Variants in FOXN4 observed in about 807,000 individuals in gnomAD.
FOXN4 encodes the protein forkhead box protein N4.
Under a neutral mutation model 45.0 loss-of-function variants are expected in FOXN4, and 12 were observed. That is an observed-to-expected ratio of 0.27 (90% CI 0.17 to 0.43). The LOEUF is 0.43. FOXN4 is among the 20% of genes least tolerant of loss of function. The pLI, the probability that FOXN4 is intolerant of heterozygous loss-of-function variation, is 1.00. For missense variants in FOXN4, 560 were observed against 694.9 expected, an observed-to-expected ratio of 0.81 and a Z score of 2.18; for synonymous variants, 297 against 295.0, an observed-to-expected ratio of 1.01 and a Z score of -0.07.
At position 109,287,261 on chromosome 12, in the gene FOXN4, G is replaced by A. The variant is rs2047721556; in HGVS notation, c.596+136C>T. 2.5e-6 allele frequency: 3 copies of A among 1,217,718 alleles called. No homozygotes were observed. The East Asian group carries it at 7.8e-5, about 32-fold the overall frequency. 75.4% of individuals were successfully genotyped at this position (1,217,718 alleles called of 1,614,324 possible). A position where few individuals can be genotyped will look rare whatever the true frequency, so the allele number is the denominator to read the frequency against. Reference sequence around the variant, plus strand: ...CTTCCTGAGAACAAGTCCCACCTGGGGGTTCCCCACTCCCCAAAACCTCCC... The same window carrying A: ...CTTCCTGAGAACAAGTCCCACCTGGAGGTTCCCCACTCCCCAAAACCTCCC... On this transcript the variant is annotated intron_variant, in intron 6 of 9. Coordinates refer to ENST00000299162, the MANE Select transcript of FOXN4 (RefSeq NM_213596.3). The surrounding 1 kb of genome is among the most constrained non-coding windows in gnomAD (Gnocchi z 4.1).
At position 109,279,421 on chromosome 12, in the gene FOXN4, C is replaced by G. The variant is rs1237921794; in HGVS notation, c.*250G>C. On this transcript the variant is annotated 3_prime_UTR_variant, in exon 10 of 10. Coordinates refer to ENST00000299162, the MANE Select transcript of FOXN4 (RefSeq NM_213596.3). ...CAAGGGGTCGGGGGATGCTGGGTTG[C>G]TTGTCCACCTTCCTCCATTCTTCTG... 2.1e-5 allele frequency: 12 copies of G among 578,052 alleles called. No homozygotes were observed. The highest frequency in any genetic ancestry group is 1.8e-4 in the Admixed American group (6 of 32,626). 35.8% of individuals were successfully genotyped at this position (578,052 alleles called of 1,614,324 possible).
At chr12:109,298,179 C>T (rs1249073731) in intron 2 of FOXN4, among the ~76,000 whole-genome samples, 1 of 152,074 alleles carries the variant, frequency 6.6e-6, no homozygotes, top group African/African-American at 2.4e-5. Context: ...GGGAAGAGCT[C>T]TGTAAAACAG....
intron 2 of FOXN4, among the ~76,000 whole-genome samples, chr12:109,293,302 C>G (rs2047786432): frequency 6.6e-6 from 1 of 152,194 alleles, no homozygotes; most frequent in Non-Finnish European, 1.5e-5. Flanking sequence ...ACCCCGAGAG[C>G]AGCACCTCCG....
In FOXN4 at chr12:109,290,563, ACTTGAC is replaced by A. The variant is rs1454226939; in HGVS notation, c.87-283_87-278del. ...CAATGCACGCGAATATTTGTTGAGG[ACTTGAC>A]CAGTGCCAGACACCGATCAAGCCTT... On this transcript the variant is annotated intron_variant, in intron 2 of 9. Coordinates refer to ENST00000299162, the MANE Select transcript of FOXN4 (RefSeq NM_213596.3). The surrounding 1 kb of genome is among the most constrained non-coding windows in gnomAD (Gnocchi z 5.1). Among the ~76,000 whole-genome samples the A allele has an allele frequency of 6.6e-6, 1 of 152,162 alleles. No homozygotes were observed. The highest frequency in any genetic ancestry group is 1.5e-5 in the Non-Finnish European group (1 of 68,028).
In FOXN4 at chr12:109,308,261, G is replaced by C. The variant is rs367951583; in HGVS notation, c.61C>G (p.His21Asp). ...CTGTATTCCTGTGGAGAGGGGTGGT[G>C]ATTTTGCCCTGAGTTTCGAATAATT... ...SGIIRNSGQN[H>D]HPSPQEYRLL... The change falls in exon 2 of 10, where the codon CAC becomes GAC. Residue 21 changes from histidine to aspartate, a missense_variant. His to Asp is a moderately conservative substitution (Grantham distance 81). Transcript: ENST00000299162. The C allele has an allele frequency of 5.2e-6, 8 of 1,551,894 alleles. No homozygotes were observed. Among genetic ancestry groups the C allele is most frequent in the Non-Finnish European group, 7.0e-6 (8 of 1,146,964 alleles).
At chr12:109,286,542 A>G in intron 7 of FOXN4, 106 bp downstream of exon 7, 1 of 1,073,664 alleles carries the variant, frequency 9.3e-7, no homozygotes. Context: ...ATGTACAGAC[A>G]TAACTGGGAA....
intron 2 of FOXN4, among the ~76,000 whole-genome samples, chr12:109,306,168 C>T (rs1003134010): frequency 6.6e-5 from 10 of 152,094 alleles, no homozygotes; most frequent in African/African-American, 1.7e-4. Flanking sequence ...GCGTCTCTTG[C>T]GGGAAGCTGG....
chr12:109,279,746 A>G lies in FOXN4; in HGVS notation c.1479T>C (p.Ser493=). 6.3e-7 allele frequency: 1 copy of G among 1,587,654 alleles called. No homozygotes were observed. Among genetic ancestry groups the G allele is most frequent in the Non-Finnish European group, 8.6e-7 (1 of 1,167,330 alleles). ...AGGAGCTGGTGCCCGATGCAGCCAC[A>G]CTGTCCGGAGTGGAGTACGCTGTGT... ...GLYTAYSTPD[S]VAASGTSSSS... The change falls in exon 10 of 10, where the codon AGT becomes AGC. Residue 493 remains serine, a synonymous_variant. Coordinates refer to ENST00000299162, the MANE Select transcript of FOXN4 (RefSeq NM_213596.3).
At chr12:109,281,224 A>G (rs747295274) in intron 9 of FOXN4, among the ~76,000 whole-genome samples, 183 bp downstream of exon 9, 1 of 152,144 alleles carries the variant, frequency 6.6e-6, no homozygotes, top group East Asian at 1.9e-4. Flanking sequence ...GAGCTCAAAA[A>G]TTTTTGGATT....
At chr12:109,285,260 TG>T in intron 8 of FOXN4, 43 bp downstream of exon 8, 1 of 1,540,080 alleles carries the variant, frequency 6.5e-7, no homozygotes. Context: ...TGTGTGTGTG[TG>T]TGTGTGTGTG....
At position 109,281,526 on chromosome 12, in the gene FOXN4, G is replaced by A. The variant is rs753213296; in HGVS notation, c.1175C>T (p.Pro392Leu). 22 of 1,613,670 alleles carry A rather than the reference G, an allele frequency of 1.4e-5. No individual in the cohort carries two copies. The highest frequency in any genetic ancestry group is 2.5e-6 in the Non-Finnish European group (3 of 1,179,836). The change falls in exon 9 of 10, where the codon CCC becomes CTC. Residue 392 changes from proline (P) to leucine (L), a missense_variant. By Grantham distance (98) the Pro-to-Leu change is moderately conservative (BLOSUM62 -3). This residue lies in a region of FOXN4 where 315 missense variants were observed against 350.5 expected (regional missense o/e 0.90). Transcript: ENST00000299162. ...PPLHALPDLS[P>L]SPLPHPAMGR... Reference sequence around the variant, plus strand: ...CATGGCGGGGTGGGGGAGCGGGCTGGGGCTGAGGTCCGGCAGGGCGTGCAG... The same window carrying A: ...CATGGCGGGGTGGGGGAGCGGGCTGAGGCTGAGGTCCGGCAGGGCGTGCAG...
rs1455926867 is a variant in FOXN4 at position 109,288,723 on chromosome 12, G to GTGAC, written c.233-547_233-544dup. Among the ~76,000 whole-genome samples, 2 of 152,210 alleles carry GTGAC rather than the reference G, an allele frequency of 1.3e-5. No individual in the cohort carries two copies. Among genetic ancestry groups the GTGAC allele is most frequent in the Admixed American group, 1.3e-4 (2 of 15,288 alleles). ...ACTTCCCCCATCTTGTGCTGGGCTT[G>GTGAC]TGACAGACATTGCTAATCTATCACA... On this transcript the variant is annotated intron_variant, in intron 3 of 9. Transcript: ENST00000299162. This position sits in a 1 kb window ranked among gnomAD's most constrained non-coding sequence, Gnocchi z 4.3.
Position 109,279,771 on chromosome 12 carries a change from T to TAG in FOXN4, c.1452_1453dup (p.Tyr485SerfsTer31). The TAG allele has an allele frequency of 1.2e-6, 2 of 1,600,292 alleles. No homozygotes were observed. The highest frequency in any genetic ancestry group is 1.7e-6 in the Non-Finnish European group (2 of 1,173,398). ...ACTGTCCGGAGTGGAGTACGCTGTGTAGAGACCCGTCACCTGCAAGTCTGG... is the reference window on the plus strand; with the variant it reads ...ACTGTCCGGAGTGGAGTACGCTGTGTAGAGAGACCCGTCACCTGCAAGTCTGG... On this transcript the variant is annotated frameshift_variant, in exon 10 of 10. Transcript: ENST00000299162. LOFTEE classifies it low-confidence loss of function (END_TRUNC).
At chr12:109,307,238 G>T (rs1310327659) in intron 2 of FOXN4, among the ~76,000 whole-genome samples, 2 of 152,196 alleles carry the variant, frequency 1.3e-5, no homozygotes, top group Non-Finnish European at 2.9e-5. Context: ...ACCCCGGGGG[G>T]GCCAGACAAA....
At chr12:109,308,570 A>G (rs1283877379) in intron 1 of FOXN4, among the ~76,000 whole-genome samples, 1 of 152,206 alleles carries the variant, frequency 6.6e-6, no homozygotes, top group East Asian at 1.9e-4. Flanking sequence ...TTTCGAATTA[A>G]TGGGGGAAGA....
rs1032403606 is a variant in FOXN4, at chr12:109,290,710, G to C, written c.87-424C>G. The stretch of plus-strand genomic sequence containing the variant: ...GGGACACTACAGCACAGAGCACTCA[G>C]GGCCTGTGGTCAGGGTCCCACCTGC... On this transcript the variant is annotated intron_variant, in intron 2 of 9. Transcript: ENST00000299162. The surrounding 1 kb of genome is among the most constrained non-coding windows in gnomAD (Gnocchi z 5.1). Among the ~76,000 whole-genome samples the C allele has an allele frequency of 8.5e-5, 13 of 152,154 alleles. No individual in the cohort carries two copies. The highest frequency in any genetic ancestry group is 3.1e-4 in the African/African-American group (13 of 41,436).
At chr12:109,299,382 A>C (rs2047848109) in intron 2 of FOXN4, among the ~76,000 whole-genome samples, 1 of 151,936 alleles carries the variant, frequency 6.6e-6, no homozygotes, top group South Asian at 2.1e-4. Context: ...GCACACACAC[A>C]ACACACATAT....
chr12:109,285,054 C>T (rs1255191644), intron 8 of FOXN4, among the ~76,000 whole-genome samples: 13 of 124,618 alleles, frequency 1.0e-4, no homozygotes, highest in East Asian at 7.4e-4. Context: ...TGTGTGTGCG[C>T]GCATGTGTGC....
chr12:109,303,551 G>A (rs1191494810), intron 2 of FOXN4, among the ~76,000 whole-genome samples: 1 of 152,230 alleles, frequency 6.6e-6, no homozygotes, highest in Non-Finnish European at 1.5e-5. Context: ...CCAGAGAGAG[G>A]AAGGGCTTTC....
Sources: allele counts gnomAD v4.1 joint callset (sites outside exome capture counted in the v4.1 genomes callset), GRCh38; gene constraint gnomAD v4.1.1; regional missense constraint gnomAD v4.1.1; non-coding constraint Gnocchi (gnomAD v3.1); transcripts MANE v1.5; gene names NCBI Gene and HGNC (gene_info 2026-07-23, HGNC 2026-07-21).